Variants in RITA1 observed in about 807,000 individuals in gnomAD.
RITA1 encodes RBPJ interacting and tubulin associated 1.
RITA1 carries 15 observed loss-of-function variants against 8.7 expected under a neutral mutation model. That is an observed-to-expected ratio of 1.72 (90% CI 1.15 to 2.65). The LOEUF is 2.65. Among genes scored for constraint, RITA1 ranks in the 30% most tolerant of loss-of-function variants. The pLI is 0.00. For synonymous variants in RITA1, 145 were observed against 156.2 expected (o/e 0.93, Z 0.53); for missense variants, 330 against 363.8 (o/e 0.91, Z 0.76).
intron 3 of RITA1, among the ~76,000 whole-genome samples, chr12:113,190,319 G>A (rs990737821): frequency 1.3e-5 from 2 of 151,964 alleles, no homozygotes; most frequent in Admixed American, 6.6e-5. Context: ...GTGACAGAGC[G>A]AGACTCTGTC....
Position 113,189,903 on chromosome 12 carries a change from G to C in RITA1, c.303-1407G>C, listed in dbSNP as rs569290785. ...AATAAAAATATTAGCAGGGCATAGT[G>C]GTGCATACCTGTAGTCCCAGCTACT... is the stretch of plus-strand genomic sequence containing the variant. On this transcript the variant is annotated intron_variant, in intron 3 of 3. Coordinates refer to ENST00000548278, the MANE Select transcript of RITA1 (RefSeq NM_032848.3). 1.4e-3 allele frequency among the ~76,000 whole-genome samples: 213 copies of C among 151,746 alleles called. 1 individual carries two copies. Among genetic ancestry groups the C allele is most frequent in the African/African-American group, 4.9e-3 (204 of 41,374 alleles).
rs368110690 is a variant in RITA1, at chr12:113,191,390, G to A, written c.383G>A (p.Arg128Gln). The A allele has an allele frequency of 2.8e-5, 45 of 1,604,450 alleles. 1 individual carries two copies. The South Asian group carries it at 3.1e-4, about 11-fold the overall frequency. ...GAAGGCGCCAGCTTCGGGGCCCCGC[G>A]GATGGCGAAGGGGGATGCCGCAAAG... Reference protein sequence around the residue: ...RSEGASFGAPRMAKGDAAKLR... With the variant: ...RSEGASFGAPQMAKGDAAKLR... Residue 128 changes from arginine to glutamine, a missense_variant, in exon 4 of 4, where the codon CGG becomes CAG. By Grantham distance (43) the Arg-to-Gln change is conservative. Transcript: ENST00000548278. This position sits in a 1 kb window ranked among gnomAD's most constrained non-coding sequence, Gnocchi z 4.0.
intron 3 of RITA1, among the ~76,000 whole-genome samples, chr12:113,187,850 GTTAA>G (rs1952555673): frequency 6.6e-6 from 1 of 151,304 alleles, no homozygotes; most frequent in Non-Finnish European, 1.5e-5. Flanking sequence ...TGTTATTGTT[GTTAA>G]TTAATTAGAT....
chr12:113,188,788 T>TC (rs1952567374), intron 3 of RITA1, among the ~76,000 whole-genome samples: 1 of 14,652 alleles, frequency 6.8e-5, no homozygotes, highest in Admixed American at 5.0e-4. Context: ...CTTAGTTACC[T>TC]TTTTTTTTTT....
chr12:113,186,635 A>G, intron 2 of RITA1, 48 bp from the exon 3 acceptor site: 1 of 1,496,604 alleles, frequency 6.7e-7, no homozygotes, highest in Non-Finnish European at 9.0e-7. Flanking sequence ...GTCTTCCTCC[A>G]TTAGCACTTC....
chr12:113,188,786 CCTTTTTTTTTTTTTTTTTTTTTTTTT>C (rs1172911299), intron 3 of RITA1, among the ~76,000 whole-genome samples: 5 of 64,306 alleles, frequency 7.8e-5, no homozygotes, highest in Non-Finnish European at 1.6e-4. Context: ...GCCTTAGTTA[CCTTTTTTTTTTTTTTTTTTTTTTTTT>C]TTTTTTTTTT....
At chr12:113,186,561 T>C (rs1952538767) in intron 2 of RITA1, 122 bp from the exon 3 acceptor site, 1 of 1,390,840 alleles carries the variant, frequency 7.2e-7, no homozygotes, top group Admixed American at 3.2e-5. Flanking sequence ...AGTTGACAGC[T>C]CCCCTTTGAG....
rs563154880 is a variant in RITA1, at chr12:113,191,492, G to T, written c.485G>T (p.Arg162Leu). 6.2e-7 allele frequency: 1 copy of T among 1,605,704 alleles called. No homozygotes were observed. The highest frequency in any genetic ancestry group is 1.1e-5 in the South Asian group (1 of 90,722). ...CCCCGCCCCAGGGAGGCACCACTGC[G>T]AGCCATTCACCCAGCTGGTCCCTCC... is the stretch of plus-strand genomic sequence containing the variant. ...HSPRPREAPLRAIHPAGPSKT... is the reference protein window; with the variant it reads ...HSPRPREAPLLAIHPAGPSKT... The change falls in exon 4 of 4, where the codon CGA (arginine) becomes CTA (leucine). Residue 162 changes from arginine to leucine, a missense_variant. Arg to Leu is a moderately radical substitution (Grantham distance 102). Coordinates refer to ENST00000548278, the MANE Select transcript of RITA1 (RefSeq NM_032848.3). This position sits in a 1 kb window ranked among gnomAD's most constrained non-coding sequence, Gnocchi z 4.0.
intron 3 of RITA1, among the ~76,000 whole-genome samples, chr12:113,189,248 A>G (rs1952574576): frequency 6.6e-6 from 1 of 152,100 alleles, no homozygotes; most frequent in Non-Finnish European, 1.5e-5. Flanking sequence ...GTTCATTCTG[A>G]ACCACAGGGA....
intron 3 of RITA1, among the ~76,000 whole-genome samples, chr12:113,190,109 C>A (rs1484667272): frequency 1.3e-5 from 2 of 150,498 alleles, no homozygotes; most frequent in Admixed American, 1.3e-4. Flanking sequence ...GTGGGTAGAT[C>A]ATGAGGTCAG....
At position 113,186,789 on chromosome 12, in the gene RITA1, C is replaced by T; in HGVS notation, c.43C>T (p.Leu15Phe). Residue 15 changes from leucine (L) to phenylalanine (F), a missense_variant, in exon 3 of 4, where the codon CTC becomes TTC. Leu to Phe is a conservative substitution (Grantham distance 22, BLOSUM62 0). Coordinates refer to ENST00000548278, the MANE Select transcript of RITA1 (RefSeq NM_032848.3). The stretch of plus-strand genomic sequence containing the variant: ...GCTGGCCGTCAGTGGGATGCAGACC[C>T]TCGGCCTTCAGCACCGCTGCCGAGG... ...VELAVSGMQT[L>F]GLQHRCRGGY... 6.2e-7 allele frequency: 1 copy of T among 1,613,698 alleles called. No homozygotes were observed. The highest frequency in any genetic ancestry group is 8.5e-7 in the Non-Finnish European group (1 of 1,179,970).
Position 113,191,470 on chromosome 12 carries a change from C to A in RITA1, c.463C>A (p.Arg155Ser), listed in dbSNP as rs1251384095. The change falls in exon 4 of 4, where the codon CGC becomes AGC. Residue 155 changes from arginine (R) to serine (S), a missense_variant. Coordinates refer to ENST00000548278, the MANE Select transcript of RITA1 (RefSeq NM_032848.3). This position sits in a 1 kb window ranked among gnomAD's most constrained non-coding sequence, Gnocchi z 4.0. ...TACCCCCAGGGGTAGCCACTCGCCC[C>A]GCCCCAGGGAGGCACCACTGCGAGC... ...PPTPRGSHSP[R>S]PREAPLRAIH... 4.4e-6 allele frequency: 7 copies of A among 1,604,270 alleles called. No homozygotes were observed. The South Asian group carries it at 5.5e-5, about 13-fold the overall frequency.
chr12:113,186,264 A>C lies in RITA1; in HGVS notation c.-117A>C, dbSNP rs185094454. ...ATGGACAAATTCGAAGCTACTTCAC[A>C]GTGCTGTTGAGAGGATTAAATGAAA... On this transcript the variant is annotated 5_prime_UTR_variant, in exon 2 of 4. Coordinates refer to ENST00000548278, the MANE Select transcript of RITA1 (RefSeq NM_032848.3). The C allele has an allele frequency of 1.2e-4, 170 of 1,403,258 alleles. 1 individual carries two copies. The African/African-American group carries it at 2.0e-3, about 16-fold the overall frequency. The allele number at this position is 1,403,258 out of a possible 1,614,324, so 86.9% of individuals were successfully genotyped here. A position where few individuals can be genotyped will look rare whatever the true frequency, so the allele number is the denominator to read the frequency against.
In RITA1 at chr12:113,187,065, A is replaced by C; in HGVS notation, c.302+17A>C. On this transcript the variant is annotated intron_variant, in intron 3 of 3. Coordinates refer to ENST00000548278, the MANE Select transcript of RITA1 (RefSeq NM_032848.3). ...CAAATACAGGTAATGGGGTAGGGAG[A>C]TGCAAATCCTGTACTCAGTGCAGCC... is the stretch of plus-strand genomic sequence containing the variant. 2 of 1,535,248 alleles carry C rather than the reference A, an allele frequency of 1.3e-6. No homozygotes were observed. Among genetic ancestry groups the C allele is most frequent in the East Asian group, 2.4e-5 (1 of 41,524 alleles).
chr12:113,186,400 AGT>A (rs1357643724), intron 2 of RITA1, 84 bp downstream of exon 2: 2 of 1,365,586 alleles, frequency 1.5e-6, no homozygotes, highest in Non-Finnish European at 1.9e-6. Flanking sequence ...CTACCACCAT[AGT>A]GTGTTTTCTG....
At chr12:113,190,152 AC>A (rs563974044) in intron 3 of RITA1, among the ~76,000 whole-genome samples, 11 of 149,838 alleles carry the variant, frequency 7.3e-5, no homozygotes, top group African/African-American at 9.8e-5. Context: ...ACATGGTGAA[AC>A]CCCCCCCGTC....
At chr12:113,188,800 T>C in intron 3 of RITA1, among the ~76,000 whole-genome samples, 1 of 76,788 alleles carries the variant, frequency 1.3e-5, no homozygotes, top group East Asian at 4.0e-4. Context: ...TTTTTTTTTT[T>C]TTTTTTTTTT....
In RITA1 at chr12:113,191,717, G is replaced by A; in HGVS notation, c.710G>A (p.Ser237Asn). Reference sequence around the variant, plus strand: ...TCCACGTCAGGGGTGACCTTCCGGAGCCCCCTGGTGACTTCCAGGGCTCGC... The same window carrying A: ...TCCACGTCAGGGGTGACCTTCCGGAACCCCCTGGTGACTTCCAGGGCTCGC... ...RPSTSGVTFR[S>N]PLVTSRARSV... The change falls in exon 4 of 4, where the codon AGC (serine) becomes AAC (asparagine). Residue 237 changes from serine to asparagine, a missense_variant. Physicochemically the swap from Ser to Asn is conservative, Grantham distance 46 (BLOSUM62 1). Transcript: ENST00000548278. The surrounding 1 kb of genome is among the most constrained non-coding windows in gnomAD (Gnocchi z 4.0). The A allele has an allele frequency of 6.2e-7, 1 of 1,614,064 alleles. No homozygotes were observed. The highest frequency in any genetic ancestry group is 8.5e-7 in the Non-Finnish European group (1 of 1,180,012).
chr12:113,187,135 C>T lies in RITA1; in HGVS notation c.302+87C>T, dbSNP rs576826894. 5 of 1,372,652 alleles carry T rather than the reference C, an allele frequency of 3.6e-6. No individual in the cohort carries two copies. In the African/African-American group the frequency reaches 7.3e-5, roughly 20 times the overall value. 85.0% of individuals were successfully genotyped at this position (1,372,652 alleles called of 1,614,324 possible). A position where few individuals can be genotyped will look rare whatever the true frequency, so the allele number is the denominator to read the frequency against. The stretch of plus-strand genomic sequence containing the variant: ...CTCTGGTGTTCACCTGCTCTGTGAC[C>T]TTGGGCAAGCATCTTGACCTCTCTG... On this transcript the variant is annotated intron_variant, in intron 3 of 3. Transcript: ENST00000548278.
Sources: gnomAD v4.1 joint callset for allele counts (sites outside exome capture counted in the v4.1 genomes callset) on GRCh38, gnomAD v4.1.1 for gene constraint, Gnocchi (gnomAD v3.1) non-coding constraint, MANE v1.5 for transcripts, NCBI Gene and HGNC (gene_info 2026-07-23, HGNC 2026-07-21) for gene names.